Variants in DNAAF9 observed in about 807,000 individuals in gnomAD.
DNAAF9 encodes the protein shulin.
A neutral mutation model predicts 167.0 loss-of-function variants in DNAAF9; 90 were observed. The observed-to-expected ratio is 0.54, with a 90% CI of 0.45 to 0.64. The LOEUF (loss-of-function observed/expected upper bound fraction) is 0.64. DNAAF9 is among the 30% of genes least tolerant of loss of function. DNAAF9 has a pLI of 0.00. For missense variants in DNAAF9, 1,315 were observed against 1,442.2 expected, an observed-to-expected ratio of 0.91 and a Z score of 1.43; for synonymous variants, 491 against 508.8, an observed-to-expected ratio of 0.96 and a Z score of 0.47.
chr20:3,350,936 C>T (rs1019781054), intron 7 of DNAAF9, among the ~76,000 whole-genome samples: 3 of 152,074 alleles, frequency 2.0e-5, no homozygotes, highest in Admixed American at 6.5e-5. Flanking sequence ...TGGAGTAACA[C>T]CATTGTGCAA....
intron 14 of DNAAF9, among the ~76,000 whole-genome samples, chr20:3,324,300 G>T (rs2069671560): frequency 6.6e-6 from 1 of 152,006 alleles, no homozygotes. Context: ...CCCCAGTATT[G>T]GTGTCTTTTG....
At chr20:3,305,138 A>C (rs1184817694) in intron 20 of DNAAF9, among the ~76,000 whole-genome samples, 2 of 152,208 alleles carry the variant, frequency 1.3e-5, no homozygotes, top group Non-Finnish European at 2.9e-5. Flanking sequence ...GTTCCTCGGA[A>C]CAAGGATTCA....
chr20:3,330,164 G>A (rs1249901622), intron 12 of DNAAF9, among the ~76,000 whole-genome samples: 3 of 152,208 alleles, frequency 2.0e-5, no homozygotes, highest in African/African-American at 7.2e-5. Flanking sequence ...GGCAAAGCTG[G>A]CAAGGTTCTC....
chr20:3,349,327 A>C (rs1283003017), intron 7 of DNAAF9, among the ~76,000 whole-genome samples: 2 of 152,012 alleles, frequency 1.3e-5, no homozygotes, highest in Non-Finnish European at 2.9e-5. Context: ...AGTTGGAGTG[A>C]ACTGGGATTG....
intron 27 of DNAAF9, among the ~76,000 whole-genome samples, chr20:3,285,982 A>C (rs1448408922): frequency 1.3e-5 from 2 of 151,884 alleles, no homozygotes; most frequent in Admixed American, 1.3e-4. Flanking sequence ...TCCGTTTCAA[A>C]AAAAAAAAAG....
chr20:3,393,332 G>A (rs2083852983), intron 1 of DNAAF9, among the ~76,000 whole-genome samples: 1 of 151,760 alleles, frequency 6.6e-6, no homozygotes, highest in African/African-American at 2.4e-5. Context: ...GGGCAACATG[G>A]CAAAACCCTA....
intron 23 of DNAAF9, chr20:3,295,833 A>C (rs1310346476): frequency 3.3e-6 from 3 of 919,440 alleles, no homozygotes; most frequent in Non-Finnish European, 5.3e-6. Flanking sequence ...AAATCAGTAA[A>C]CAAAGAGTTT....
chr20:3,374,234 C>T (rs946119048), intron 5 of DNAAF9, 80 bp from the exon 6 acceptor site: 2 of 903,990 alleles, frequency 2.2e-6, no homozygotes, highest in Non-Finnish European at 3.5e-6. Flanking sequence ...CATGGTTAGA[C>T]AGGTATCATT....
chr20:3,297,946 G>T, intron 22 of DNAAF9, 83 bp downstream of exon 22: 1 of 1,074,146 alleles, frequency 9.3e-7, no homozygotes, highest in Non-Finnish European at 1.4e-6. Flanking sequence ...TTCACTGTTA[G>T]CCCCAAAATG....
intron 7 of DNAAF9, among the ~76,000 whole-genome samples, chr20:3,356,441 T>G (rs746778007): frequency 9.2e-5 from 14 of 152,370 alleles, no homozygotes; most frequent in Admixed American, 2.6e-4. Flanking sequence ...TTTTTTCAAT[T>G]GGTTATTTTA....
At chr20:3,299,680 G>C (rs1408417883) in intron 21 of DNAAF9, among the ~76,000 whole-genome samples, 1 of 152,198 alleles carries the variant, frequency 6.6e-6, no homozygotes, top group African/African-American at 2.4e-5. Context: ...TGTCAAAAAT[G>C]ATTTGATACA....
intron 20 of DNAAF9, among the ~76,000 whole-genome samples, chr20:3,309,327 A>C (rs992872750): frequency 3.9e-5 from 6 of 152,056 alleles, no homozygotes; most frequent in Non-Finnish European, 7.4e-5. Context: ...AATGCCTTTT[A>C]GTATAGTGTT....
At chr20:3,268,052 G>C (rs1335954242) in intron 30 of DNAAF9, among the ~76,000 whole-genome samples, 1 of 149,970 alleles carries the variant, frequency 6.7e-6, no homozygotes, top group Non-Finnish European at 1.5e-5. Flanking sequence ...TTTTGAGATG[G>C]AGTTTCATTC....
At position 3,281,633 on chromosome 20, in the gene DNAAF9, G is replaced by GTATC. The variant is rs1344225800; in HGVS notation, c.2612+4_2612+7dup. 6.2e-7 allele frequency: 1 copy of GTATC among 1,602,898 alleles called. No homozygotes were observed. Among genetic ancestry groups the GTATC allele is most frequent in the Non-Finnish European group, 8.5e-7 (1 of 1,176,248 alleles). On this transcript the variant is annotated splice_region_variant and intron_variant, in intron 28 of 36. Transcript: ENST00000252032. ...TCAGTACACTTACACACCATATCCT[G>GTATC]TATCTACCTGTGCTCCATGTAGCAG...
intron 14 of DNAAF9, among the ~76,000 whole-genome samples, chr20:3,323,639 T>C (rs1459126688): frequency 1.3e-5 from 2 of 152,136 alleles, no homozygotes; most frequent in Admixed American, 1.3e-4. Flanking sequence ...AAGACTGGCC[T>C]GGGGGACTTT....
At chr20:3,318,606 G>C (rs2069552451) in intron 16 of DNAAF9, among the ~76,000 whole-genome samples, 1 of 152,202 alleles carries the variant, frequency 6.6e-6, no homozygotes, top group African/African-American at 2.4e-5. Flanking sequence ...ATTGCTCCCT[G>C]ATCAGAGACA....
intron 23 of DNAAF9, 114 bp downstream of exon 23, chr20:3,296,747 G>C: frequency 4.2e-6 from 3 of 716,380 alleles, no homozygotes; most frequent in Non-Finnish European, 7.4e-6. Context: ...AAATGTCTGT[G>C]TTGACCCTTT....
chr20:3,256,032 C>T lies in DNAAF9; in HGVS notation c.3235G>A (p.Asp1079Asn), dbSNP rs1409886450. 6.2e-7 allele frequency: 1 copy of T among 1,613,510 alleles called. No individual in the cohort carries two copies. The highest frequency in any genetic ancestry group is 8.5e-7 in the Non-Finnish European group (1 of 1,180,008). The stretch of plus-strand genomic sequence containing the variant: ...TGCTTAGCTGACTGCCGCAGCCAGT[C>T]CTTGATGCTGTCTTCCTTCAGGGAG... ...GCSLKEDSIK[D>N]WLRQSAKQKP... Residue 1079 changes from aspartate to asparagine, a missense_variant, in exon 34 of 37, where the codon GAC (aspartate) becomes AAC (asparagine). This residue lies in a region of DNAAF9 where 334 missense variants were observed against 429.7 expected (regional missense o/e 0.78). Coordinates refer to ENST00000252032, the MANE Select transcript of DNAAF9 (RefSeq NM_001009984.3).
At chr20:3,335,375 A>G (rs1043229368) in intron 10 of DNAAF9, among the ~76,000 whole-genome samples, 1 of 152,186 alleles carries the variant, frequency 6.6e-6, no homozygotes, top group Non-Finnish European at 1.5e-5. Context: ...TTCTAGGTTG[A>G]CAACTCTTCT....
Sources: gnomAD v4.1 joint callset for allele counts (sites outside exome capture counted in the v4.1 genomes callset) on GRCh38, gnomAD v4.1.1 for gene constraint, gnomAD v4.1.1 regional missense constraint, MANE v1.5 for transcripts, NCBI Gene and HGNC (gene_info 2026-07-23, HGNC 2026-07-21) for gene names.